Variants in ARHGAP10 observed in about 807,000 individuals in gnomAD.
ARHGAP10 encodes the protein Rho GTPase activating protein 10.
Under a neutral mutation model 108.6 loss-of-function variants are expected in ARHGAP10, and 87 were observed. The ratio of observed to expected loss-of-function variants is 0.80; its 90% confidence interval spans 0.67 to 0.96. The LOEUF (loss-of-function observed/expected upper bound fraction) is 0.96. ARHGAP10 is among the 40% of genes least tolerant of loss of function. ARHGAP10 has a pLI of 0.00. For synonymous variants in ARHGAP10, 347 were observed against 341.1 expected, an observed-to-expected ratio of 1.02 and a Z score of -0.19; for missense variants, 939 against 954.5, an observed-to-expected ratio of 0.98 and a Z score of 0.21.
chr4:147,752,185 G>A (rs1182446105), intron 1 of ARHGAP10, among the ~76,000 whole-genome samples: 1 of 152,120 alleles, frequency 6.6e-6, no homozygotes, highest in African/African-American at 2.4e-5. Context: ...GCCTGGCCAA[G>A]CCTTTAGTAT....
chr4:147,865,040 A>G (rs1205894620), intron 6 of ARHGAP10, 84 bp downstream of exon 6: 6 of 1,183,622 alleles, frequency 5.1e-6, no homozygotes, highest in Middle Eastern at 1.9e-4. Context: ...TATGGTTTAT[A>G]GTTACTAGAG....
chr4:147,792,541 C>A (rs548322865), intron 1 of ARHGAP10, among the ~76,000 whole-genome samples: 1 of 152,182 alleles, frequency 6.6e-6, no homozygotes, highest in Non-Finnish European at 1.5e-5. Flanking sequence ...ACATTACCAA[C>A]AACTTCCTGT....
intron 1 of ARHGAP10, among the ~76,000 whole-genome samples, chr4:147,769,183 A>C (rs1463692093): frequency 6.6e-6 from 1 of 152,238 alleles, no homozygotes; most frequent in East Asian, 1.9e-4. Context: ...CTCACTATAC[A>C]TAGCAGTTCT....
At chr4:148,022,931 T>G (rs1741623794) in intron 18 of ARHGAP10, 1 of 173,770 alleles carries the variant, frequency 5.8e-6, no homozygotes, top group South Asian at 2.0e-4. Context: ...TTTTACTGTT[T>G]TATCCTGGCT....
chr4:147,895,562 G>A lies in ARHGAP10; in HGVS notation c.1035-11076G>A, dbSNP rs112452844. 6.6e-3 allele frequency among the ~76,000 whole-genome samples: 983 copies of A among 148,352 alleles called. 11 individuals carry two copies. Among genetic ancestry groups the A allele is most frequent in the African/African-American group, 0.022 (908 of 40,374 alleles). On this transcript the variant is annotated intron_variant, in intron 10 of 22. Coordinates refer to ENST00000336498, the MANE Select transcript of ARHGAP10 (RefSeq NM_024605.4). Reference sequence around the variant, plus strand: ...TAGCCAGGTATGGTGGTATGTGCCTGTAGTCCCAGCTACTCAGGAGGCTGA... The same window carrying A: ...TAGCCAGGTATGGTGGTATGTGCCTATAGTCCCAGCTACTCAGGAGGCTGA...
intron 16 of ARHGAP10, among the ~76,000 whole-genome samples, 174 bp from the exon 17 acceptor site, chr4:147,964,850 A>AT (rs912311978): frequency 5.3e-5 from 8 of 151,512 alleles, no homozygotes; most frequent in Non-Finnish European, 7.4e-5. Flanking sequence ...AAGGAGAAAG[A>AT]TTTTTTTTTC....
intron 13 of ARHGAP10, among the ~76,000 whole-genome samples, chr4:147,920,278 A>G (rs1289011269): frequency 2.0e-5 from 3 of 150,706 alleles, no homozygotes; most frequent in South Asian, 4.2e-4. Context: ...TTAGCTGGGC[A>G]TGGTGGCGGG....
At chr4:147,793,801 T>C (rs777566941) in intron 1 of ARHGAP10, among the ~76,000 whole-genome samples, 1 of 152,200 alleles carries the variant, frequency 6.6e-6, no homozygotes, top group Non-Finnish European at 1.5e-5. Flanking sequence ...AACAGTAAGC[T>C]TCTTGACCTT....
chr4:147,956,545 C>T (rs1408552669), intron 16 of ARHGAP10, among the ~76,000 whole-genome samples: 1 of 152,082 alleles, frequency 6.6e-6, no homozygotes, highest in East Asian at 1.9e-4. Context: ...GGCAAAAACT[C>T]AAGTAAATGC....
intron 1 of ARHGAP10, among the ~76,000 whole-genome samples, chr4:147,810,589 A>G (rs1016700435): frequency 6.6e-6 from 1 of 152,218 alleles, no homozygotes; most frequent in Non-Finnish European, 1.5e-5. Context: ...AGTCTGAGAG[A>G]TTCAGGCTCA....
intron 20 of ARHGAP10, among the ~76,000 whole-genome samples, chr4:148,047,465 T>C (rs1158587879): frequency 6.6e-6 from 1 of 152,274 alleles, no homozygotes; most frequent in Non-Finnish European, 1.5e-5. Flanking sequence ...AGCATTATGC[T>C]AGCATTCTGC....
chr4:147,793,924 A>G (rs1731219388), intron 1 of ARHGAP10, among the ~76,000 whole-genome samples: 1 of 152,248 alleles, frequency 6.6e-6, no homozygotes, highest in Non-Finnish European at 1.5e-5. Flanking sequence ...CTTAAAAAAT[A>G]AAGTGTAGAA....
intron 13 of ARHGAP10, chr4:147,917,187 C>T (rs1398644170): frequency 6.6e-6 from 1 of 152,042 alleles, no homozygotes; most frequent in Admixed American, 6.6e-5. Context: ...AACTGTCTTC[C>T]CCAGCTGGTA....
intron 4 of ARHGAP10, among the ~76,000 whole-genome samples, chr4:147,853,762 T>C (rs1482783843): frequency 6.6e-6 from 1 of 152,084 alleles, no homozygotes; most frequent in African/African-American, 2.4e-5. Context: ...TATTGGCAAG[T>C]TCTTATGGCT....
intron 4 of ARHGAP10, 37 bp from the exon 5 acceptor site, chr4:147,857,516 T>C: frequency 7.0e-7 from 1 of 1,419,124 alleles, no homozygotes; most frequent in Non-Finnish European, 9.3e-7. Flanking sequence ...TGTATCCTTT[T>C]GTTTCTGTTT....
intron 1 of ARHGAP10, among the ~76,000 whole-genome samples, chr4:147,753,517 G>GT (rs1579002083): frequency 2.2e-5 from 3 of 135,758 alleles, no homozygotes; most frequent in African/African-American, 9.7e-5. Context: ...CTAATTTTTT[G>GT]GTTTTTTTTT....
chr4:147,819,872 T>C (rs1732412541), intron 1 of ARHGAP10, among the ~76,000 whole-genome samples: 2 of 152,188 alleles, frequency 1.3e-5, no homozygotes, highest in African/African-American at 4.8e-5. Context: ...TGTATCTTAT[T>C]TACAGGTTTG....
At chr4:147,761,562 C>G (rs896711523) in intron 1 of ARHGAP10, among the ~76,000 whole-genome samples, 6 of 152,124 alleles carry the variant, frequency 3.9e-5, no homozygotes, top group Non-Finnish European at 5.9e-5. Flanking sequence ...ATCTCTTTCT[C>G]TTTTCCACAG....
At chr4:148,023,066 CAG>C (rs1741629737) in intron 18 of ARHGAP10, 195 bp from the exon 19 acceptor site, 1 of 496,328 alleles carries the variant, frequency 2.0e-6, no homozygotes, top group Admixed American at 3.4e-5. Flanking sequence ...TAAATTTAAT[CAG>C]AGATTTTATT....
Sources: gnomAD v4.1 joint callset for allele counts (sites outside exome capture counted in the v4.1 genomes callset) on GRCh38, gnomAD v4.1.1 for gene constraint, MANE v1.5 for transcripts, NCBI Gene and HGNC (gene_info 2026-07-23, HGNC 2026-07-21) for gene names.